Variants in RBFOX1 observed in about 807,000 individuals in gnomAD.
RBFOX1 encodes the protein RNA binding fox-1 homolog 1.
RBFOX1 carries 8 observed loss-of-function variants against 57.7 expected under a neutral mutation model. The ratio of observed to expected loss-of-function variants is 0.14; its 90% CI spans 0.08 to 0.25. RBFOX1 has a LOEUF of 0.25. RBFOX1 is among the 10% of genes least tolerant of loss of function. The pLI is 1.00. For synonymous variants in RBFOX1, 326 were observed against 222.4 expected (o/e 1.47, Z -4.15); for missense variants, 611 against 548.5 (o/e 1.11, Z -1.14).
chr16:5,834,687 G>GTAGGTAGATAGA lies in RBFOX1; in HGVS notation c.319-32613_319-32612insGTAGATAGATAG, dbSNP rs1555541440. ...GGGATTGCTGGATTGAATGGGATAG[G>GTAGGTAGATAGA]TAGATAGATAGATAGATAGATAGAT... On this transcript the variant is annotated intron_variant, in intron 3 of 19. Transcript: ENST00000641259. 8.4e-3 allele frequency among the ~76,000 whole-genome samples: 1,134 copies of GTAGGTAGATAGA among 134,470 alleles called. 14 individuals are homozygous for GTAGGTAGATAGA. The highest frequency in any genetic ancestry group is 0.034 in the African/African-American group (1,052 of 31,084). The allele number at this position is 134,470 out of a possible 152,430, so 88.2% of individuals were successfully genotyped here.
intron 2 of RBFOX1, among the ~76,000 whole-genome samples, chr16:6,650,685 C>G (rs145430366): frequency 1.5e-3 from 230 of 152,278 alleles, no homozygotes; most frequent in African/African-American, 5.1e-3. Flanking sequence ...ATTTGCTATA[C>G]GAGTCTTCAC....
At position 7,042,035 on chromosome 16, in the gene RBFOX1, T is replaced by G. The variant is rs555640133; in HGVS notation, c.-15-10022T>G. Among the ~76,000 whole-genome samples, 329 of 152,250 alleles carry G rather than the reference T, an allele frequency of 2.2e-3. 3 individuals carry two copies. The highest frequency in any genetic ancestry group is 7.5e-3 in the African/African-American group (310 of 41,540). ...TGATTCCTTAACCTCCAGTCTCCAT[T>G]GGGGAGAAAACTGGATCTACAGAAG... On this transcript the variant is annotated intron_variant, in intron 3 of 15. Transcript: ENST00000550418.
Position 6,231,216 on chromosome 16 carries a change from T to TTGTGTG in RBFOX1, c.-126-85763_-126-85758dup, listed in dbSNP as rs530803836. ...TAGAGGGGTGTGTGTGTGTATGTGT[T>TTGTGTG]TGTGTGTGTGTGTGTGTGTGTAGGT... On this transcript the variant is annotated intron_variant, in intron 1 of 15. Coordinates refer to ENST00000550418, the MANE Select transcript of RBFOX1 (RefSeq NM_018723.4). Among the ~76,000 whole-genome samples the TTGTGTG allele has an allele frequency of 5.3e-3, 772 of 145,124 alleles. 7 individuals carry two copies. The highest frequency in any genetic ancestry group is 0.018 in the African/African-American group (710 of 39,764).
At chr16:6,140,763 G>A (rs988132266) in intron 1 of RBFOX1, among the ~76,000 whole-genome samples, 1 of 152,116 alleles carries the variant, frequency 6.6e-6, no homozygotes, top group African/African-American at 2.4e-5. Context: ...CATCCTATAA[G>A]CAAAACATCT....
At chr16:6,144,167 A>T (rs1356427567) in intron 1 of RBFOX1, among the ~76,000 whole-genome samples, 1 of 151,956 alleles carries the variant, frequency 6.6e-6, no homozygotes, top group Non-Finnish European at 1.5e-5. Flanking sequence ...AACAAATTAG[A>T]CTCTACAGAT....
At position 7,451,409 on chromosome 16, in the gene RBFOX1, G is replaced by T. The variant is rs368595703; in HGVS notation, c.28-66738G>T. On this transcript the variant is annotated intron_variant, in intron 4 of 15. Coordinates refer to ENST00000550418, the MANE Select transcript of RBFOX1 (RefSeq NM_018723.4). Reference sequence around the variant, plus strand: ...AAATCCAAGTATTTCAACCTGGCAGGTTGAGGCAATAGGTAAGTTAACTTG... The same window carrying T: ...AAATCCAAGTATTTCAACCTGGCAGTTTGAGGCAATAGGTAAGTTAACTTG... Among the ~76,000 whole-genome samples the T allele has an allele frequency of 1.8e-4, 28 of 152,262 alleles. No homozygotes were observed. In the East Asian group the frequency reaches 4.1e-3, roughly 22 times the overall value.
rs181553079 is a variant in RBFOX1 at position 5,978,341 on chromosome 16, A to T, written c.351+111006A>T. On this transcript the variant is annotated intron_variant, in intron 4 of 19. Coordinates refer to the RBFOX1 transcript ENST00000641259. ...AAGAGATAAAATAAAAATAAAAAAT[A>T]AAAAAAATAAGCTTTGTATTTGGGG... 1.2e-3 allele frequency among the ~76,000 whole-genome samples: 171 copies of T among 148,074 alleles called. 3 individuals are homozygous for T. The highest frequency in any genetic ancestry group is 4.4e-3 in the African/African-American group (165 of 37,806).
chr16:5,943,667 C>G (rs1487033449), intron 4 of RBFOX1, among the ~76,000 whole-genome samples: 1 of 152,066 alleles, frequency 6.6e-6, no homozygotes. Flanking sequence ...TGAGGTATCC[C>G]CAGAAATCTG....
chr16:6,877,746 C>T (rs779624224), intron 3 of RBFOX1, among the ~76,000 whole-genome samples: 1 of 152,082 alleles, frequency 6.6e-6, no homozygotes, highest in Admixed American at 6.6e-5. Context: ...AGAATTATTT[C>T]TGTAGGACTT....
intron 3 of RBFOX1, among the ~76,000 whole-genome samples, chr16:6,761,500 CTTTTTTTT>C (rs869243278): frequency 6.7e-5 from 4 of 60,128 alleles, no homozygotes; most frequent in South Asian, 9.2e-4. Context: ...TCCCAATCTC[CTTTTTTTT>C]TTTTTTTTTT....
chr16:7,439,528 G>A (rs567794294), intron 4 of RBFOX1, among the ~76,000 whole-genome samples: 3 of 152,100 alleles, frequency 2.0e-5, no homozygotes, highest in Non-Finnish European at 4.4e-5. Context: ...CTTGTAAGTC[G>A]ATAGGAGATT....
intron 2 of RBFOX1, among the ~76,000 whole-genome samples, chr16:6,648,324 G>A (rs2098550288): frequency 6.6e-6 from 1 of 152,046 alleles, no homozygotes; most frequent in South Asian, 2.1e-4. Flanking sequence ...GCCTCCCAAA[G>A]TGCTGGGATT....
chr16:7,362,748 G>A (rs1055181232), intron 4 of RBFOX1, among the ~76,000 whole-genome samples: 3 of 152,102 alleles, frequency 2.0e-5, no homozygotes, highest in Admixed American at 6.5e-5. Context: ...TGTTTTGGGT[G>A]TATGTTAGTG....
chr16:5,849,735 C>G (rs11076976), intron 3 of RBFOX1, among the ~76,000 whole-genome samples: 29 of 152,090 alleles, frequency 1.9e-4, no homozygotes, highest in Non-Finnish European at 3.5e-4. Context: ...CTCGCCGATG[C>G]ACAGCTTCCC....
intron 2 of RBFOX1, among the ~76,000 whole-genome samples, chr16:5,570,251 A>G (rs2151130311): frequency 6.6e-6 from 1 of 152,188 alleles, no homozygotes; most frequent in Middle Eastern, 3.4e-3. Flanking sequence ...ATGGGTTTGT[A>G]CTGGAAGGTA....
At chr16:7,436,570 TG>T (rs1458141649) in intron 4 of RBFOX1, among the ~76,000 whole-genome samples, 1 of 152,198 alleles carries the variant, frequency 6.6e-6, no homozygotes, top group African/African-American at 2.4e-5. Context: ...ATTTTAAAGA[TG>T]CATAAACTGA....
At chr16:7,180,810 T>TA (rs2082551832) in intron 4 of RBFOX1, among the ~76,000 whole-genome samples, 1 of 151,414 alleles carries the variant, frequency 6.6e-6, no homozygotes, top group Non-Finnish European at 1.5e-5. Flanking sequence ...GCATCAAGGT[T>TA]AAAAAGACAC....
At chr16:6,259,683 T>A (rs2152627675) in intron 1 of RBFOX1, among the ~76,000 whole-genome samples, 1 of 152,180 alleles carries the variant, frequency 6.6e-6, no homozygotes, top group African/African-American at 2.4e-5. Flanking sequence ...TGGGGCCGGG[T>A]GCAGTGGCTT....
chr16:6,000,479 G>C (rs1042388758), intron 4 of RBFOX1, among the ~76,000 whole-genome samples: 1 of 152,148 alleles, frequency 6.6e-6, no homozygotes, highest in African/African-American at 2.4e-5. Flanking sequence ...TATAAAATTG[G>C]ATCCCGTGCA....
Sources: gnomAD v4.1 joint callset for allele counts (sites outside exome capture counted in the v4.1 genomes callset) on GRCh38, gnomAD v4.1.1 for gene constraint, MANE v1.5 for transcripts, NCBI Gene and HGNC (gene_info 2026-07-23, HGNC 2026-07-21) for gene names.